The following PHLDB1 variants were observed in gnomAD, a reference collection of about 807,000 sequenced individuals.
PHLDB1 encodes pleckstrin homology like domain family B member 1, also known as pleckstrin homology-like domain family B member 1.
PHLDB1 carries 65 observed loss-of-function variants against 139.3 expected under a neutral mutation model. The observed-to-expected ratio is 0.47, with a 90% CI of 0.38 to 0.57. PHLDB1 has a LOEUF of 0.57. Ranked by LOEUF, PHLDB1 falls within the 20% of genes least tolerant of loss-of-function variation. The probability of loss-of-function intolerance (pLI) is 0.00; values close to 1 mark genes in which losing one functional copy is unlikely to be tolerated. For synonymous variants in PHLDB1, 679 were observed against 734.5 expected (o/e 0.92, Z 1.22); for missense variants, 1,624 against 1,839.7 (o/e 0.88, Z 2.14).
At chr11:118,642,908 A>G (rs560114307) in intron 13 of PHLDB1, among the ~76,000 whole-genome samples, 156 of 152,366 alleles carry the variant, frequency 1.0e-3, no homozygotes, top group Non-Finnish European at 2.4e-4. Context: ...CAGAGTTGCC[A>G]TGGAGGGCGT....
In PHLDB1 at chr11:118,650,202, C is replaced by T. The variant is rs782655772; in HGVS notation, c.3771+9C>T. The T allele has an allele frequency of 5.0e-6, 8 of 1,591,836 alleles. No individual in the cohort carries two copies. The highest frequency in any genetic ancestry group is 6.9e-6 in the Non-Finnish European group (8 of 1,159,732). On this transcript the variant is annotated intron_variant, in intron 19 of 22. Coordinates refer to ENST00000600882, the MANE Select transcript of PHLDB1 (RefSeq NM_001144758.3). The surrounding 1 kb of genome is among the most constrained non-coding windows in gnomAD (Gnocchi z 4.7). The stretch of plus-strand genomic sequence containing the variant: ...TGGTGCTCAGCAGCAAGGTACAAGG[C>T]GTGTGTGGCCCTGGGGTGCTGGGGA...
Position 118,627,616 on chromosome 11 carries a change from G to A in PHLDB1, c.793G>A (p.Gly265Arg). ...FSPLSSPASS[G>R]SCASHSPSGQ... ...TCCACTCTCTTCACCAGCCAGCAGT[G>A]GAAGCTGTGCCAGTCACTCACCCAG... is the stretch of plus-strand genomic sequence containing the variant. The change falls in exon 6 of 23, where the codon GGA becomes AGA. Residue 265 changes from glycine to arginine, a missense_variant. Transcript: ENST00000600882. 1 of 1,613,190 alleles carries A rather than the reference G, an allele frequency of 6.2e-7. No individual in the cohort carries two copies. The highest frequency in any genetic ancestry group is 8.5e-7 in the Non-Finnish European group (1 of 1,180,026).
In PHLDB1 at chr11:118,611,825, A is replaced by T. The variant is rs61231409; in HGVS notation, c.-21-1991A>T. Among the ~76,000 whole-genome samples, 1 of 142,968 alleles carries T rather than the reference A, an allele frequency of 7.0e-6. No individual in the cohort carries two copies. The highest frequency in any genetic ancestry group is 1.6e-5 in the Non-Finnish European group (1 of 64,228). The allele number at this position is 142,968 out of a possible 152,430, so 93.8% of individuals were successfully genotyped here. ...AAGAGTGAAACTCCGTCTCAAAAAA[A>T]AAAAAAAAATAATAATAATAATAAT... On this transcript the variant is annotated intron_variant, in intron 1 of 22. Transcript: ENST00000600882. This position sits in a 1 kb window ranked among gnomAD's most constrained non-coding sequence, Gnocchi z 4.7.
In PHLDB1 at chr11:118,650,635, G is replaced by A; in HGVS notation, c.3874+88G>A. On this transcript the variant is annotated intron_variant, in intron 20 of 22. Coordinates refer to ENST00000600882, the MANE Select transcript of PHLDB1 (RefSeq NM_001144758.3). The surrounding 1 kb of genome is among the most constrained non-coding windows in gnomAD (Gnocchi z 4.7). ...GGCTGGTCTTCTAGAAGGAGGCCAAGCTTCCAAGTAGGGGACCAGAGTCTT... is the reference window on the plus strand; with the variant it reads ...GGCTGGTCTTCTAGAAGGAGGCCAAACTTCCAAGTAGGGGACCAGAGTCTT... 2.2e-6 allele frequency: 2 copies of A among 889,200 alleles called. No homozygotes were observed. Among genetic ancestry groups the A allele is most frequent in the South Asian group, 2.7e-5 (2 of 73,428 alleles). The allele number at this position is 889,200 out of a possible 1,614,324, so 55.1% of individuals were successfully genotyped here. A position where few individuals can be genotyped will look rare whatever the true frequency, so the allele number is the denominator to read the frequency against.
At position 118,650,171 on chromosome 11, in the gene PHLDB1, T is replaced by G. The variant is rs1948147000; in HGVS notation, c.3749T>G (p.Leu1250Arg). 1 of 1,613,226 alleles carries G rather than the reference T, an allele frequency of 6.2e-7. No homozygotes were observed. The highest frequency in any genetic ancestry group is 1.3e-5 in the African/African-American group (1 of 74,900). The change falls in exon 19 of 23, where the codon CTG becomes CGG. Residue 1250 changes from leucine to arginine, a missense_variant. Physicochemically the swap from Leu to Arg is moderately radical, Grantham distance 102. Coordinates refer to ENST00000600882, the MANE Select transcript of PHLDB1 (RefSeq NM_001144758.3). The surrounding 1 kb of genome is among the most constrained non-coding windows in gnomAD (Gnocchi z 4.7). ...ESSGHGVDTC[L>R]HVVLSSKVCR... ...TCGGGCCATGGTGTTGATACCTGCC[T>G]GCACGTGGTGCTCAGCAGCAAGGTA...
Position 118,645,052 on chromosome 11 carries a change from G to A in PHLDB1, c.3122-304G>A, listed in dbSNP as rs1555125748. On this transcript the variant is annotated intron_variant, in intron 15 of 22. Transcript: ENST00000600882. This position sits in a 1 kb window ranked among gnomAD's most constrained non-coding sequence, Gnocchi z 5.1. Reference sequence around the variant, plus strand: ...CTACTTAGGCCTTGGTTGTGAGCTGGAGCCAACTGGCTGTCGTGCTGCCCC... The same window carrying A: ...CTACTTAGGCCTTGGTTGTGAGCTGAAGCCAACTGGCTGTCGTGCTGCCCC... 8.0e-6 allele frequency: 3 copies of A among 373,170 alleles called. No homozygotes were observed. In the South Asian group the frequency reaches 1.8e-4, roughly 23 times the overall value. The allele number at this position is 373,170 out of a possible 1,614,324, so 23.1% of individuals were successfully genotyped here.
chr11:118,649,827 C>T (rs949880201), intron 18 of PHLDB1, among the ~76,000 whole-genome samples: 2 of 152,128 alleles, frequency 1.3e-5, no homozygotes, highest in Non-Finnish European at 2.9e-5. Flanking sequence ...ACAAAGATGC[C>T]GTGTCTTGGT....
chr11:118,615,950 G>A, intron 3 of PHLDB1, 91 bp from the exon 4 acceptor site: 1 of 1,065,526 alleles, frequency 9.4e-7, no homozygotes, highest in Non-Finnish European at 1.4e-6. Flanking sequence ...AGTAGGAGGT[G>A]GAAATATGTT....
rs979522533 is a variant in PHLDB1 at position 118,648,187 on chromosome 11, A to G, written c.3654+111A>G. 5 of 1,117,526 alleles carry G rather than the reference A, an allele frequency of 4.5e-6. No homozygotes were observed. In the South Asian group the frequency reaches 7.7e-5, roughly 17 times the overall value. The allele number at this position is 1,117,526 out of a possible 1,614,324, so 69.2% of individuals were successfully genotyped here. A position where few individuals can be genotyped will look rare whatever the true frequency, so the allele number is the denominator to read the frequency against. ...GCTGTAAAACCTGTTCTACTCCAGA[A>G]AAGATTGCTGTTGGCTTAATACTAG... On this transcript the variant is annotated intron_variant, in intron 18 of 22. Transcript: ENST00000600882.
chr11:118,614,552 C>T lies in PHLDB1; in HGVS notation c.61-7C>T, dbSNP rs782617130. The T allele has an allele frequency of 6.2e-7, 1 of 1,613,702 alleles. No homozygotes were observed. The highest frequency in any genetic ancestry group is 8.5e-7 in the Non-Finnish European group (1 of 1,179,812). On this transcript the variant is annotated splice_region_variant and splice_polypyrimidine_tract_variant and intron_variant, in intron 2 of 22. Coordinates refer to ENST00000600882, the MANE Select transcript of PHLDB1 (RefSeq NM_001144758.3). ...TGATGCTTGTCCTCCACCCGTACTA[C>T]CTACAGAAAGGACCCTTGGACCTGA...
chr11:118,633,617 T>G (rs1945145075), intron 9 of PHLDB1: 1 of 152,250 alleles, frequency 6.6e-6, no homozygotes, highest in Non-Finnish European at 1.5e-5. Flanking sequence ...AGCTTTCCCT[T>G]GGGGCTTCCC....
In PHLDB1 at chr11:118,642,018, C is replaced by T; in HGVS notation, c.2737-236C>T. ...AGTACATTCAGGGCAACTGTTGTCT[C>T]ACTGTTTTTCTCTTCTTTTTCTTGA... On this transcript the variant is annotated intron_variant, in intron 12 of 22. Transcript: ENST00000600882. The T allele has an allele frequency of 6.4e-6, 4 of 627,248 alleles. No homozygotes were observed. In the South Asian group the frequency reaches 7.7e-5, roughly 12 times the overall value. 38.9% of individuals were successfully genotyped at this position (627,248 alleles called of 1,614,324 possible). A position where few individuals can be genotyped will look rare whatever the true frequency, so the allele number is the denominator to read the frequency against.
At chr11:118,613,546 A>C (rs2135726550) in intron 1 of PHLDB1, 1 of 840,666 alleles carries the variant, frequency 1.2e-6, no homozygotes. Context: ...GAAAGCACAG[A>C]AGTATAGATT....
chr11:118,634,809 C>T (rs1945344568), intron 9 of PHLDB1: 12 of 282,236 alleles, frequency 4.3e-5, no homozygotes, highest in South Asian at 2.4e-4. Context: ...CATTCTGTCC[C>T]GCCCTGGCCG....
rs958809188 is a variant in PHLDB1 at position 118,621,426 on chromosome 11, C to T, written c.356-3508C>T. 7 of 152,336 alleles carry T rather than the reference C, an allele frequency of 4.6e-5. No individual in the cohort carries two copies. In the South Asian group the frequency reaches 6.2e-4, roughly 14 times the overall value. The allele number at this position is 152,336 out of a possible 1,614,324, so 9.4% of individuals were successfully genotyped here. ...CGCTGCCTCGCTGCTCGCTCCGAGC[C>T]TAGAGCCGGCAGCTCGGGAGGTCGG... is the stretch of plus-strand genomic sequence containing the variant. On this transcript the variant is annotated intron_variant, in intron 4 of 22. Coordinates refer to ENST00000600882, the MANE Select transcript of PHLDB1 (RefSeq NM_001144758.3).
At chr11:118,614,887 A>G (rs1941276496) in intron 3 of PHLDB1, 1 of 544,744 alleles carries the variant, frequency 1.8e-6, no homozygotes, top group South Asian at 2.0e-5. Context: ...GACTGGGCTT[A>G]AAGATCAGCT....
At chr11:118,618,437 T>G (rs1385258581) in intron 4 of PHLDB1, among the ~76,000 whole-genome samples, 1 of 152,106 alleles carries the variant, frequency 6.6e-6, no homozygotes, top group Non-Finnish European at 1.5e-5. Flanking sequence ...CCCTGGAAAC[T>G]GGGTGGCTCG....
At chr11:118,642,181 C>T (rs1946662240) in intron 12 of PHLDB1, 73 bp from the exon 13 acceptor site, 4 of 1,372,762 alleles carry the variant, frequency 2.9e-6, no homozygotes, top group Non-Finnish European at 4.1e-6. Context: ...CTTTTCCTTT[C>T]CCTTTATTTC....
In PHLDB1 at chr11:118,648,093, G is replaced by A; in HGVS notation, c.3654+17G>A. The A allele has an allele frequency of 6.2e-7, 1 of 1,611,360 alleles. No individual in the cohort carries two copies. Among genetic ancestry groups the A allele is most frequent in the Non-Finnish European group, 8.5e-7 (1 of 1,178,202 alleles). On this transcript the variant is annotated intron_variant, in intron 18 of 22. Coordinates refer to ENST00000600882, the MANE Select transcript of PHLDB1 (RefSeq NM_001144758.3). ...TTTTCCCAGGTGAATGGGCAGTGGG[G>A]CACAGTGGTGGTTGGTTTGACGGTG...
Sources: gnomAD v4.1 joint callset for allele counts (sites outside exome capture counted in the v4.1 genomes callset) on GRCh38, gnomAD v4.1.1 for gene constraint, Gnocchi (gnomAD v3.1) non-coding constraint, MANE v1.5 for transcripts, NCBI Gene and HGNC (gene_info 2026-07-23, HGNC 2026-07-21) for gene names.